The following SHCBP1 variants were observed in gnomAD, a reference collection of about 807,000 sequenced individuals.
The protein encoded by SHCBP1 is SHC SH2 domain-binding protein 1.
In SHCBP1, 60 loss-of-function variants were observed where a neutral mutation model predicts 75.1. That is an observed-to-expected ratio of 0.80 (90% CI 0.65 to 0.99). The LOEUF is 0.99. SHCBP1 is among the 50% of genes least tolerant of loss of function. SHCBP1 has a pLI of 0.00. For synonymous variants in SHCBP1, 290 were observed against 293.2 expected, an observed-to-expected ratio of 0.99 and a Z score of 0.11; for missense variants, 709 against 809.4, an observed-to-expected ratio of 0.88 and a Z score of 1.50.
chr16:46,610,997 C>A (rs1423631648), intron 4 of SHCBP1, among the ~76,000 whole-genome samples: 1 of 152,142 alleles, frequency 6.6e-6, no homozygotes, highest in Non-Finnish European at 1.5e-5. Flanking sequence ...AAGAGCAGAG[C>A]CTCATTCCTG....
At position 46,618,257 on chromosome 16, in the gene SHCBP1, T is replaced by G. The variant is rs1965533674; in HGVS notation, c.219A>C (p.Thr73=). The G allele has an allele frequency of 1.2e-6, 2 of 1,613,418 alleles. No homozygotes were observed. Among genetic ancestry groups the G allele is most frequent in the Non-Finnish European group, 8.5e-7 (1 of 1,179,866 alleles). Residue 73 remains threonine (T), a synonymous_variant, in exon 2 of 13, where the codon ACA becomes ACC. Coordinates refer to ENST00000303383, the MANE Select transcript of SHCBP1 (RefSeq NM_024745.5). The part of the protein sequence containing the change: ...GKTFFPEIFQ[T]NQLLFYERFR... ...ATCGCTCATAGAACAAAAGTTGATT[T>G]GTTTGGAAAATTTCTGGGAAAAAGG...
At chr16:46,609,124 G>C (rs1965368256) in intron 4 of SHCBP1, among the ~76,000 whole-genome samples, 1 of 152,124 alleles carries the variant, frequency 6.6e-6, no homozygotes, top group Admixed American at 6.6e-5. Flanking sequence ...GATCACGTAA[G>C]GACATAATCA....
rs574955036 is a variant in SHCBP1, at chr16:46,616,883, T to G, written c.388-729A>C. Among the ~76,000 whole-genome samples, 9 of 152,192 alleles carry G rather than the reference T, an allele frequency of 5.9e-5. No individual in the cohort carries two copies. Among genetic ancestry groups the G allele is most frequent in the African/African-American group, 2.2e-4 (9 of 41,520 alleles). On this transcript the variant is annotated intron_variant, in intron 3 of 12. Transcript: ENST00000303383. This position sits in a 1 kb window ranked among gnomAD's most constrained non-coding sequence, Gnocchi z 4.4. ...AAAAAATATTAGCACAATCCAAAATTTTAAAACTCACAAGCAATAGCTGCA... is the reference window on the plus strand; with the variant it reads ...AAAAAATATTAGCACAATCCAAAATGTTAAAACTCACAAGCAATAGCTGCA...
At chr16:46,586,723 C>G (rs563823031) in intron 10 of SHCBP1, among the ~76,000 whole-genome samples, 4 of 152,154 alleles carry the variant, frequency 2.6e-5, no homozygotes, top group African/African-American at 9.6e-5. Flanking sequence ...AAATTTTATG[C>G]CTTACCTATA....
chr16:46,591,281 C>T (rs771344639), intron 10 of SHCBP1, among the ~76,000 whole-genome samples: 11 of 151,904 alleles, frequency 7.2e-5, no homozygotes, highest in East Asian at 1.9e-4. Flanking sequence ...CAAACCTGCA[C>T]GTTGTGCACA....
At position 46,581,616 on chromosome 16, in the gene SHCBP1, C is replaced by A; in HGVS notation, c.*113G>T. ...AAATAAATCTACCTTTCACTCAAGC[C>A]CAAATAATCAAATATAAAATACAGA... On this transcript the variant is annotated 3_prime_UTR_variant, in exon 13 of 13. Coordinates refer to ENST00000303383, the MANE Select transcript of SHCBP1 (RefSeq NM_024745.5). The A allele has an allele frequency of 1.0e-6, 1 of 994,532 alleles. No individual in the cohort carries two copies. The highest frequency in any genetic ancestry group is 1.5e-6 in the Non-Finnish European group (1 of 668,836). The allele number at this position is 994,532 out of a possible 1,614,324, so 61.6% of individuals were successfully genotyped here.
intron 4 of SHCBP1, among the ~76,000 whole-genome samples, chr16:46,611,024 G>C (rs1406679986): frequency 1.3e-5 from 2 of 152,172 alleles, no homozygotes; most frequent in African/African-American, 4.8e-5. Flanking sequence ...GCCACTGTCT[G>C]TGTGGAGTAT....
At chr16:46,607,102 C>T (rs1244476431) in intron 5 of SHCBP1, among the ~76,000 whole-genome samples, 1 of 152,020 alleles carries the variant, frequency 6.6e-6, no homozygotes, top group Non-Finnish European at 1.5e-5. Flanking sequence ...GTCCTGTAAT[C>T]CCAGCACTTT....
chr16:46,595,723 T>C (rs1472531877), intron 9 of SHCBP1, 53 bp from the exon 10 acceptor site: 1 of 1,352,252 alleles, frequency 7.4e-7, no homozygotes, highest in African/African-American at 1.4e-5. Context: ...CCTTTTCCAA[T>C]GTTAGAGATA....
In SHCBP1 at chr16:46,580,205, A is replaced by T. The variant is rs556515195; in HGVS notation, c.*1524T>A. 1.5e-3 allele frequency among the ~76,000 whole-genome samples: 227 copies of T among 150,396 alleles called. 1 individual carries two copies. The highest frequency in any genetic ancestry group is 5.2e-3 in the African/African-American group (208 of 39,968). On this transcript the variant is annotated 3_prime_UTR_variant, in exon 13 of 13. Transcript: ENST00000303383. ...GGCATCACATCTAGAGGCAAAAATT[A>T]AAAAAAAGAATAAAAGGTTTTAATA... is the stretch of plus-strand genomic sequence containing the variant.
At chr16:46,583,360 T>C (rs1488216525) in intron 12 of SHCBP1, among the ~76,000 whole-genome samples, 156 bp downstream of exon 12, 2 of 152,254 alleles carry the variant, frequency 1.3e-5, no homozygotes, top group Admixed American at 6.5e-5. Flanking sequence ...CAGTCTGTAA[T>C]GTTATGACTT....
intron 10 of SHCBP1, 62 bp from the exon 11 acceptor site, chr16:46,584,151 A>G (rs1964917304): frequency 8.5e-7 from 1 of 1,179,678 alleles, no homozygotes; most frequent in Non-Finnish European, 1.2e-6. Context: ...ATAAGAGTTT[A>G]TTACAATTAC....
At chr16:46,603,908 A>G (rs1965282277) in intron 7 of SHCBP1, 67 bp downstream of exon 7, 3 of 1,535,822 alleles carry the variant, frequency 2.0e-6, no homozygotes, top group Non-Finnish European at 1.7e-6. Flanking sequence ...ACTTTGTGGG[A>G]TTTGTGAAAA....
At chr16:46,588,649 G>GT (rs1391864740) in intron 10 of SHCBP1, among the ~76,000 whole-genome samples, 1 of 152,112 alleles carries the variant, frequency 6.6e-6, no homozygotes, top group Non-Finnish European at 1.5e-5. Context: ...GAATAGACCA[G>GT]TAACAGGTTC....
Position 46,584,019 on chromosome 16 carries a change from T to C in SHCBP1, c.1535A>G (p.Glu512Gly). 2 of 1,607,220 alleles carry C rather than the reference T, an allele frequency of 1.2e-6. No homozygotes were observed. The highest frequency in any genetic ancestry group is 1.7e-6 in the Non-Finnish European group (2 of 1,176,392). Reference protein sequence around the residue: ...LSDNGIHHCKEGILIKDFLDE... With the variant: ...LSDNGIHHCKGGILIKDFLDE... ...GATGCTCACCTTAATGAGGATCCCT[T>C]CCTTGCAGTGATGGATCCCATTGTC... The change falls in exon 11 of 13, where the codon GAA becomes GGA. Residue 512 changes from glutamate (E) to glycine (G), a missense_variant. Coordinates refer to ENST00000303383, the MANE Select transcript of SHCBP1 (RefSeq NM_024745.5).
rs79474849 is a variant in SHCBP1, at chr16:46,611,436, C to T, written c.597-3047G>A. Among the ~76,000 whole-genome samples the T allele has an allele frequency of 2.2e-3, 341 of 152,292 alleles. 1 individual carries two copies. The highest frequency in any genetic ancestry group is 4.2e-3 in the Non-Finnish European group (285 of 68,032). On this transcript the variant is annotated intron_variant, in intron 4 of 12. Transcript: ENST00000303383. Reference sequence around the variant, plus strand: ...GGCAGGAGGTGCTCCTTATAATTTCCGCTTTGCAAACATTTATTCCTTGAT... The same window carrying T: ...GGCAGGAGGTGCTCCTTATAATTTCTGCTTTGCAAACATTTATTCCTTGAT...
In SHCBP1 at chr16:46,589,979, C is replaced by T. The variant is rs572166684; in HGVS notation, c.1464+5573G>A. On this transcript the variant is annotated intron_variant, in intron 10 of 12. Coordinates refer to ENST00000303383, the MANE Select transcript of SHCBP1 (RefSeq NM_024745.5). ...ACTGGTACCAAAACAGAGATATAGA[C>T]CAATGGAACAGAACAGAGCCCTCAG... 3.9e-5 allele frequency among the ~76,000 whole-genome samples: 6 copies of T among 152,168 alleles called. No homozygotes were observed. The East Asian group carries it at 5.8e-4, about 15-fold the overall frequency.
Position 46,618,246 on chromosome 16 carries a change from A to G in SHCBP1, c.230T>C (p.Leu77Ser). 5 of 1,612,768 alleles carry G rather than the reference A, an allele frequency of 3.1e-6. No individual in the cohort carries two copies. The highest frequency in any genetic ancestry group is 4.2e-6 in the Non-Finnish European group (5 of 1,179,680). The change falls in exon 2 of 13, where the codon TTG (leucine) becomes TCG (serine). Residue 77 changes from leucine (L) to serine (S), a missense_variant. Coordinates refer to ENST00000303383, the MANE Select transcript of SHCBP1 (RefSeq NM_024745.5). ...FPEIFQTNQL[L>S]FYERFRAYQD... Reference sequence around the variant, plus strand: ...ATAGGCTCTGAATCGCTCATAGAACAAAAGTTGATTTGTTTGGAAAATTTC... The same window carrying G: ...ATAGGCTCTGAATCGCTCATAGAACGAAAGTTGATTTGTTTGGAAAATTTC...
rs190309382 is a variant in SHCBP1, at chr16:46,603,483, T to C, written c.1213+56A>G. 1.3e-4 allele frequency: 216 copies of C among 1,604,748 alleles called. No homozygotes were observed. The African/African-American group carries it at 2.4e-3, about 17-fold the overall frequency. ...GAGTTTCAACAAGATTGGTGATTTA[T>C]TGTTTACTTAAACATATCACGTGTG... On this transcript the variant is annotated intron_variant, in intron 8 of 12. Transcript: ENST00000303383.
Sources: gnomAD v4.1 joint callset for allele counts (sites outside exome capture counted in the v4.1 genomes callset) on GRCh38, gnomAD v4.1.1 for gene constraint, Gnocchi (gnomAD v3.1) non-coding constraint, MANE v1.5 for transcripts, NCBI Gene and HGNC (gene_info 2026-07-23, HGNC 2026-07-21) for gene names.